Variants in LMBR1L observed in about 807,000 individuals in gnomAD.
LMBR1L encodes limb development membrane protein 1 like, also known as protein LMBR1L.
Under a neutral mutation model 67.3 loss-of-function variants are expected in LMBR1L, and 47 were observed. The observed-to-expected ratio is 0.70, with a 90% CI of 0.55 to 0.89. The LOEUF is 0.89. Among genes scored for constraint, LMBR1L ranks in the 40% least tolerant of loss-of-function variants. The pLI is 0.00. For missense variants in LMBR1L, 533 were observed against 599.2 expected (o/e 0.89, Z 1.15); for synonymous variants, 247 against 250.3 (o/e 0.99, Z 0.13).
At chr12:49,105,790 G>T in intron 3 of LMBR1L, 134 bp downstream of exon 3, 1 of 676,702 alleles carries the variant, frequency 1.5e-6, no homozygotes, top group Non-Finnish European at 2.5e-6. Flanking sequence ...AAAGCCGGAA[G>T]CCAGAAATGG....
Position 49,097,621 on chromosome 12 carries a change from A to G in LMBR1L, c.*51T>C. On this transcript the variant is annotated 3_prime_UTR_variant, in exon 17 of 17. Coordinates refer to ENST00000267102, the MANE Select transcript of LMBR1L (RefSeq NM_018113.4). ...TAGCCTTGGGCTTCCCTCCAGGCCT[A>G]GGCAGCAGATGGCAGTGTCCAGTTT... The G allele has an allele frequency of 6.3e-7, 1 of 1,583,192 alleles. No individual in the cohort carries two copies. The highest frequency in any genetic ancestry group is 8.7e-7 in the Non-Finnish European group (1 of 1,154,458).
intron 1 of LMBR1L, among the ~76,000 whole-genome samples, chr12:49,108,662 AG>A (rs1449696098): frequency 6.6e-6 from 1 of 151,236 alleles, no homozygotes; most frequent in Non-Finnish European, 1.5e-5. Flanking sequence ...AGAACCTGGG[AG>A]GCGGAGGTTG....
chr12:49,102,292 C>G lies in LMBR1L; in HGVS notation c.853+1G>C. ...ATCCCAAGCCCTACGAAGCCACATACCCAGCAGGACCCTCTGTGTCTGCAG... is the reference window on the plus strand; with the variant it reads ...ATCCCAAGCCCTACGAAGCCACATAGCCAGCAGGACCCTCTGTGTCTGCAG... On this transcript the variant is annotated splice_donor_variant, in intron 10 of 16. Coordinates refer to ENST00000267102, the MANE Select transcript of LMBR1L (RefSeq NM_018113.4). LOFTEE classifies it high-confidence loss of function. 6.2e-7 allele frequency: 1 copy of G among 1,614,176 alleles called. No homozygotes were observed.
intron 9 of LMBR1L, 46 bp from the exon 10 acceptor site, chr12:49,102,422 G>T: frequency 6.2e-7 from 1 of 1,613,522 alleles, no homozygotes; most frequent in Non-Finnish European, 8.5e-7. Flanking sequence ...TGCAGTTTCT[G>T]CCCAGGCCAA....
In LMBR1L at chr12:49,102,338, G is replaced by A. The variant is rs1163000003; in HGVS notation, c.808C>T (p.Leu270=). 8.7e-6 allele frequency: 14 copies of A among 1,614,108 alleles called. No homozygotes were observed. The highest frequency in any genetic ancestry group is 5.0e-5 in the Admixed American group (3 of 60,004). The change falls in exon 10 of 17, where the codon CTA becomes TTA. Residue 270 remains leucine, a synonymous_variant. Transcript: ENST00000267102. ...SCWLPLDMEL[L]HRQVLALQTQ... Reference sequence around the variant, plus strand: ...TGCAGAGCCAGGACCTGTCTGTGTAGCAGCTCCATGTCTAAAGGCAGCCAG... The same window carrying A: ...TGCAGAGCCAGGACCTGTCTGTGTAACAGCTCCATGTCTAAAGGCAGCCAG...
chr12:49,106,461 A>C, intron 2 of LMBR1L: 2 of 713,094 alleles, frequency 2.8e-6, no homozygotes, highest in South Asian at 2.9e-5. Context: ...GTGTGCCCCC[A>C]CCCCCAATTA....
intron 12 of LMBR1L, 53 bp from the exon 13 acceptor site, chr12:49,101,376 G>A (rs367803418): frequency 2.6e-5 from 41 of 1,604,786 alleles, no homozygotes; most frequent in South Asian, 8.8e-5. Flanking sequence ...AGCACTACCC[G>A]GCACCCAGCC....
rs777273122 is a variant in LMBR1L, at chr12:49,110,526, G to A, written c.30C>T (p.Ser10=). MEAPDYEVL[S]VREQLFHERI... Reference sequence around the variant, plus strand: ...TCTCGTGGAATAGCTGTTCTCGCACGGATAGCACTTCGTAGTCAGGTGCTT... The same window carrying A: ...TCTCGTGGAATAGCTGTTCTCGCACAGATAGCACTTCGTAGTCAGGTGCTT... Residue 10 remains serine (S), a synonymous_variant, in exon 1 of 17, where the codon TCC becomes TCT. Transcript: ENST00000267102. 2 of 1,613,936 alleles carry A rather than the reference G, an allele frequency of 1.2e-6. No homozygotes were observed. The highest frequency in any genetic ancestry group is 1.7e-6 in the Non-Finnish European group (2 of 1,179,974).
At chr12:49,101,922 T>C in intron 11 of LMBR1L, 198 bp downstream of exon 11, 1 of 599,236 alleles carries the variant, frequency 1.7e-6, no homozygotes, top group Non-Finnish European at 3.0e-6. Flanking sequence ...GTCACTCAAC[T>C]CTGTCTCTTC....
chr12:49,108,283 G>A (rs983986626), intron 1 of LMBR1L, among the ~76,000 whole-genome samples: 1 of 150,804 alleles, frequency 6.6e-6, no homozygotes, highest in Non-Finnish European at 1.5e-5. Flanking sequence ...ACAAAAATTG[G>A]CTGGGCGCAG....
At position 49,100,411 on chromosome 12, in the gene LMBR1L, A is replaced by G; in HGVS notation, c.1217T>C (p.Leu406Pro). 2 of 1,613,972 alleles carry G rather than the reference A, an allele frequency of 1.2e-6. No homozygotes were observed. Among genetic ancestry groups the G allele is most frequent in the East Asian group, 4.5e-5 (2 of 44,890 alleles). ...ACCCAGGGTTCGAGAGAAGACAGGA[A>G]GTGCTGAGCTTAGGACCAGGAGACA... is the stretch of plus-strand genomic sequence containing the variant. ...CVCLLVLSSA[L>P]PVFSRTLGLT... Residue 406 changes from leucine to proline, a missense_variant, in exon 15 of 17, where the codon CTT becomes CCT. By Grantham distance (98) the Leu-to-Pro change is moderately conservative. Transcript: ENST00000267102.
In LMBR1L at chr12:49,097,331, C is replaced by G. The variant is rs1446611208; in HGVS notation, c.*341G>C. On this transcript the variant is annotated 3_prime_UTR_variant, in exon 17 of 17. Transcript: ENST00000267102. ...CCCTGGCCCAGTCCTTTCCCTGCCC[C>G]TACCCCACCCTATTGCACATCAAAT... 3.5e-6 allele frequency: 1 copy of G among 286,166 alleles called. No homozygotes were observed. Among genetic ancestry groups the G allele is most frequent in the East Asian group, 6.9e-5 (1 of 14,514 alleles). 17.7% of individuals were successfully genotyped at this position (286,166 alleles called of 1,614,324 possible). A position where few individuals can be genotyped will look rare whatever the true frequency, so the allele number is the denominator to read the frequency against.
Position 49,110,596 on chromosome 12 carries a change from C to G in LMBR1L, c.-41G>C, listed in dbSNP as rs755468156. 5.7e-6 allele frequency: 9 copies of G among 1,586,808 alleles called. No individual in the cohort carries two copies. In the South Asian group the frequency reaches 9.9e-5, roughly 18 times the overall value. ...ACTGAAGCCGAGGTGCCTCTGGGCC[C>G]GGGGAGGACGAGCGGGGAGGAAGCC... On this transcript the variant is annotated 5_prime_UTR_variant, in exon 1 of 17. Coordinates refer to ENST00000267102, the MANE Select transcript of LMBR1L (RefSeq NM_018113.4).
chr12:49,104,425 C>G (rs1187968721), intron 5 of LMBR1L, 23 bp downstream of exon 5: 4 of 1,493,882 alleles, frequency 2.7e-6, no homozygotes, highest in Non-Finnish European at 3.7e-6. Context: ...CGTTTCCTGC[C>G]TGGATACATA....
chr12:49,105,824 C>T, intron 3 of LMBR1L, 100 bp downstream of exon 3: 1 of 951,420 alleles, frequency 1.1e-6, no homozygotes, highest in Non-Finnish European at 1.6e-6. Flanking sequence ...ACTCTCTCTT[C>T]ACTGTGTGAG....
chr12:49,104,933 C>A (rs748126862), intron 3 of LMBR1L, 48 bp from the exon 4 acceptor site: 1 of 1,569,180 alleles, frequency 6.4e-7, no homozygotes, highest in Non-Finnish European at 8.6e-7. Flanking sequence ...GCACTCACTA[C>A]CCTGTGCTGA....
intron 8 of LMBR1L, 73 bp downstream of exon 8, chr12:49,102,814 T>G (rs1231364936): frequency 1.5e-6 from 2 of 1,375,044 alleles, no homozygotes; most frequent in Admixed American, 1.7e-5. Context: ...AACCATAGGG[T>G]TGTTTCATTG....
intron 2 of LMBR1L, 105 bp downstream of exon 2, chr12:49,106,856 C>T: frequency 9.9e-7 from 1 of 1,008,132 alleles, no homozygotes. Flanking sequence ...CCAGAACAGC[C>T]CCACACAGCC....
At chr12:49,101,378 C>A in intron 12 of LMBR1L, 55 bp from the exon 13 acceptor site, 1 of 1,604,772 alleles carries the variant, frequency 6.2e-7, no homozygotes, top group Admixed American at 1.7e-5. Context: ...CACTACCCGG[C>A]ACCCAGCCTT....
Sources: allele counts gnomAD v4.1 joint callset (sites outside exome capture counted in the v4.1 genomes callset), GRCh38; gene constraint gnomAD v4.1.1; transcripts MANE v1.5; gene names NCBI Gene and HGNC (gene_info 2026-07-23, HGNC 2026-07-21).